SULF2: variants seen among roughly 807,000 people sequenced by gnomAD.
SULF2 encodes the protein sulfatase 2.
A neutral mutation model predicts 107.7 loss-of-function variants in SULF2; 52 were observed. The observed-to-expected ratio is 0.48, with a 90% CI of 0.39 to 0.61. The LOEUF (loss-of-function observed/expected upper bound fraction) is 0.61, where lower values mean the gene tolerates loss of function less well. SULF2 is among the 20% of genes least tolerant of loss of function. SULF2 has a pLI of 0.00. For synonymous variants in SULF2, 460 were observed against 464.3 expected, an observed-to-expected ratio of 0.99 and a Z score of 0.12; for missense variants, 993 against 1,177.3, an observed-to-expected ratio of 0.84 and a Z score of 2.29.
chr20:47,675,407 G>A (rs1441854983), intron 10 of SULF2, among the ~76,000 whole-genome samples: 1 of 152,150 alleles, frequency 6.6e-6, no homozygotes, highest in Non-Finnish European at 1.5e-5. Flanking sequence ...GCTCCTGCCC[G>A]GTGGCAGATA....
intron 4 of SULF2, 53 bp from the exon 5 acceptor site, chr20:47,690,348 G>C (rs1056467226): frequency 8.2e-6 from 11 of 1,347,688 alleles, no homozygotes; most frequent in Non-Finnish European, 1.1e-5. Flanking sequence ...TATTCATACT[G>C]GTGTCCACTA....
chr20:47,728,213 G>A (rs964107687), intron 3 of SULF2, among the ~76,000 whole-genome samples: 9 of 152,172 alleles, frequency 5.9e-5, no homozygotes, highest in African/African-American at 2.2e-4. Flanking sequence ...AGGGAGCTGT[G>A]TGTGTGCGTG....
chr20:47,702,602 C>T lies in SULF2; in HGVS notation c.484G>A (p.Gly162Arg), dbSNP rs765574446. 1.2e-6 allele frequency: 2 copies of T among 1,613,540 alleles called. No individual in the cohort carries two copies. Among genetic ancestry groups the T allele is most frequent in the South Asian group, 1.1e-5 (1 of 91,054 alleles). ...YVPPGWKEWV[G>R]LLKNSRFYNY... ...TAAAAGCGGGAGTTTTTAAGGAGTC[C>T]GACCCACTCCTTCCAGCCGGGTGGC... The change falls in exon 4 of 21, where the codon GGA becomes AGA. Residue 162 changes from glycine to arginine, a missense_variant. Around this residue, in one of 3 missense-constraint regions of SULF2, gnomAD observed 388 missense variants for 449.2 expected, o/e 0.86. Transcript: ENST00000688720.
rs1382188092 is a variant in SULF2, at chr20:47,663,073, G to A, written c.2367C>T (p.Tyr789=). 1.9e-6 allele frequency: 3 copies of A among 1,614,124 alleles called. No individual in the cohort carries two copies. The highest frequency in any genetic ancestry group is 1.1e-5 in the South Asian group (1 of 91,092). ...CTCTAGCTCGGGTTGCCTGTACCTG[G>A]TAGGGGTCTGTGTTGAGATCAAAGT... ...LEYFDLNTDP[Y]QLMNAVNTLD... is the part of the protein sequence containing the mutation. The change falls in exon 17 of 21, where the codon TAC becomes TAT. Residue 789 remains tyrosine, a synonymous_variant. Coordinates refer to ENST00000688720, the MANE Select transcript of SULF2 (RefSeq NM_001387048.1).
At chr20:47,713,052 T>TG (rs930040342) in intron 3 of SULF2, among the ~76,000 whole-genome samples, 19 of 149,982 alleles carry the variant, frequency 1.3e-4, no homozygotes, top group Non-Finnish European at 2.5e-4. Flanking sequence ...GGGGCAGGGG[T>TG]GGGGGGAGAA....
chr20:47,736,860 G>A lies in SULF2; in HGVS notation c.258C>T (p.Pro86=). The part of the protein sequence containing the change: ...AHFINAFVTT[P]MCCPSRSSIL... ...TGGAGGAGCGTGAGGGGCAGCACAT[G>A]GGTGTGGTCACGAAGGCGTTGATGA... The change falls in exon 3 of 21, where the codon CCC becomes CCT. Residue 86 remains proline (P), a synonymous_variant. Coordinates refer to ENST00000688720, the MANE Select transcript of SULF2 (RefSeq NM_001387048.1). The A allele has an allele frequency of 6.2e-7, 1 of 1,614,270 alleles. No individual in the cohort carries two copies. The highest frequency in any genetic ancestry group is 8.5e-7 in the Non-Finnish European group (1 of 1,180,038).
intron 2 of SULF2, among the ~76,000 whole-genome samples, chr20:47,752,376 C>G (rs958367128): frequency 1.3e-5 from 2 of 152,088 alleles, no homozygotes; most frequent in African/African-American, 4.8e-5. Flanking sequence ...GGATTTGAAC[C>G]TGGTGGCTAA....
chr20:47,663,340 T>C, intron 16 of SULF2, 113 bp downstream of exon 16: 3 of 1,573,418 alleles, frequency 1.9e-6, no homozygotes, highest in East Asian at 2.2e-5. Context: ...CCGAGCACCG[T>C]GGACCCCTGG....
chr20:47,662,436 A>G (rs926942778), intron 17 of SULF2, among the ~76,000 whole-genome samples: 1 of 152,212 alleles, frequency 6.6e-6, no homozygotes, highest in Non-Finnish European at 1.5e-5. Flanking sequence ...CTGACATTTA[A>G]ACATCAGATT....
At chr20:47,785,167 C>A (rs1438744935) in intron 1 of SULF2, among the ~76,000 whole-genome samples, 176 bp downstream of exon 1, 2 of 151,096 alleles carry the variant, frequency 1.3e-5, no homozygotes, top group East Asian at 3.9e-4. Context: ...TCCCGCCCGC[C>A]CGGACCCACC....
chr20:47,733,754 CAG>C, intron 3 of SULF2, among the ~76,000 whole-genome samples: 1 of 152,120 alleles, frequency 6.6e-6, no homozygotes, highest in East Asian at 1.9e-4. Flanking sequence ...GTCTGGGTGA[CAG>C]AGCAAGACTC....
In SULF2 at chr20:47,684,546, T is replaced by G; in HGVS notation, c.773A>C (p.Lys258Thr). The G allele has an allele frequency of 6.2e-7, 1 of 1,614,012 alleles. No individual in the cohort carries two copies. The highest frequency in any genetic ancestry group is 8.5e-7 in the Non-Finnish European group (1 of 1,179,932). Residue 258 changes from lysine to threonine, a missense_variant, in exon 6 of 21, where the codon AAA (lysine) becomes ACA (threonine). Lys to Thr is a moderately conservative substitution (Grantham distance 78, BLOSUM62 -1). This residue lies in a region of SULF2 where 388 missense variants were observed against 449.2 expected (regional missense o/e 0.86). Coordinates refer to ENST00000688720, the MANE Select transcript of SULF2 (RefSeq NM_001387048.1). ...CCCCGTGTAGCGCATGATCCAGTGT[T>G]TGTCCGGGTTGGGCGCGTAGTTGTA... ...PSYNYAPNPD[K>T]HWIMRYTGPM...
At chr20:47,686,971 T>C (rs2088026030) in intron 5 of SULF2, among the ~76,000 whole-genome samples, 1 of 151,444 alleles carries the variant, frequency 6.6e-6, no homozygotes, top group Non-Finnish European at 1.5e-5. Context: ...CTCTCAGATC[T>C]CTCCCACCGA....
intron 4 of SULF2, among the ~76,000 whole-genome samples, chr20:47,700,635 ATCT>A (rs2088532765): frequency 9.7e-6 from 1 of 103,136 alleles, no homozygotes; most frequent in Non-Finnish European, 1.9e-5. Context: ...CTGGTGCAAC[ATCT>A]TTTTTTTTTT....
At chr20:47,691,227 C>G (rs1243082585) in intron 4 of SULF2, among the ~76,000 whole-genome samples, 2 of 152,118 alleles carry the variant, frequency 1.3e-5, no homozygotes, top group Non-Finnish European at 2.9e-5. Flanking sequence ...AATAAAGAAC[C>G]AAGGTAGTTA....
At chr20:47,772,761 C>T (rs867281635) in intron 1 of SULF2, among the ~76,000 whole-genome samples, 2 of 152,008 alleles carry the variant, frequency 1.3e-5, no homozygotes, top group South Asian at 4.2e-4. Flanking sequence ...ACGCCACTTA[C>T]GCCCTGTGCG....
chr20:47,751,229 A>G (rs762807897), intron 2 of SULF2, among the ~76,000 whole-genome samples: 5 of 152,224 alleles, frequency 3.3e-5, no homozygotes, highest in Admixed American at 3.3e-4. Context: ...TGTCACGAGC[A>G]TCTCTCTAAC....
intron 3 of SULF2, among the ~76,000 whole-genome samples, chr20:47,714,102 G>A (rs917664323): frequency 5.9e-5 from 9 of 152,246 alleles, no homozygotes; most frequent in Non-Finnish European, 4.4e-5. Flanking sequence ...GCAGAAGCCT[G>A]TGGAAAGTCC....
intron 2 of SULF2, among the ~76,000 whole-genome samples, chr20:47,752,573 A>G (rs1275455430): frequency 2.6e-5 from 4 of 151,812 alleles, no homozygotes; most frequent in Middle Eastern, 3.4e-3. Context: ...TCTAAAAAAA[A>G]AAAAAAAAAA....
Sources: allele counts gnomAD v4.1 joint callset (sites outside exome capture counted in the v4.1 genomes callset), GRCh38; gene constraint gnomAD v4.1.1; regional missense constraint gnomAD v4.1.1; transcripts MANE v1.5; gene names NCBI Gene and HGNC (gene_info 2026-07-23, HGNC 2026-07-21).